Variants in EIF4ENIF1 observed in about 807,000 individuals in gnomAD.
The protein encoded by EIF4ENIF1 is eukaryotic translation initiation factor 4E transporter.
A neutral mutation model predicts 110.5 loss-of-function variants in EIF4ENIF1; 23 were observed. The observed-to-expected ratio is 0.21, with a 90% CI of 0.15 to 0.29. EIF4ENIF1 has a LOEUF of 0.29. Among genes scored for constraint, EIF4ENIF1 ranks in the 10% least tolerant of loss-of-function variants. EIF4ENIF1 has a pLI of 1.00. For missense variants in EIF4ENIF1, 1,031 were observed against 1,221.1 expected (o/e 0.84, Z 2.32); for synonymous variants, 440 against 437.0 (o/e 1.01, Z -0.09).
At chr22:31,487,217 G>C (rs1199283587) in intron 2 of EIF4ENIF1, among the ~76,000 whole-genome samples, 3 of 152,220 alleles carry the variant, frequency 2.0e-5, no homozygotes, top group East Asian at 3.9e-4. Context: ...AAATATATTT[G>C]GGAAGACCAA....
chr22:31,438,000 C>G (rs1330672132), downstream of EIF4ENIF1, among the ~76,000 whole-genome samples: 1 of 152,076 alleles, frequency 6.6e-6, no homozygotes, highest in African/African-American at 2.4e-5. Flanking sequence ...GAAAGGTGAC[C>G]TGCTTTCTTG....
intron 2 of EIF4ENIF1, among the ~76,000 whole-genome samples, chr22:31,472,155 T>C (rs532316508): frequency 1.1e-4 from 16 of 152,316 alleles, no homozygotes; most frequent in African/African-American, 3.8e-4. Flanking sequence ...TAATTGCTAT[T>C]GAATAACATT....
chr22:31,450,307 G>C lies in EIF4ENIF1; in HGVS notation c.1566C>G (p.Val522=). The C allele has an allele frequency of 6.2e-7, 1 of 1,613,556 alleles. No homozygotes were observed. The highest frequency in any genetic ancestry group is 1.3e-5 in the African/African-American group (1 of 75,042). Residue 522 remains valine (V), a synonymous_variant, in exon 11 of 19, where the codon GTC becomes GTG. Transcript: ENST00000330125. ...GAAGTACCTGCAGGATGTTCTTAGG[G>C]ACAGGCTGGCCTGGAATCTCAGCAG... ...MSPAEIPGQP[V]PKNILQELLG...
rs911482168 is a variant in EIF4ENIF1 at position 31,448,015 on chromosome 22, C to A, written c.1848+138G>T. 8.6e-6 allele frequency: 8 copies of A among 929,684 alleles called. No individual in the cohort carries two copies. In the Admixed American group the frequency reaches 8.7e-5, roughly 10 times the overall value. The allele number at this position is 929,684 out of a possible 1,614,324, so 57.6% of individuals were successfully genotyped here. On this transcript the variant is annotated intron_variant, in intron 13 of 18. Coordinates refer to ENST00000330125, the MANE Select transcript of EIF4ENIF1 (RefSeq NM_019843.4). ...CCTCCTGCCTCCACCTCCCAAAGTG[C>A]TGGGATTACGGGCATGAGCCACTAT...
At chr22:31,437,450 T>TCCCCCC (rs368145036), downstream of EIF4ENIF1, 2 of 125,116 alleles carry the variant, frequency 1.6e-5, no homozygotes, top group Non-Finnish European at 1.7e-5. Context: ...TTTGCCTTCA[T>TCCCCCC]CCCCCCCCCA....
intron 2 of EIF4ENIF1, among the ~76,000 whole-genome samples, chr22:31,482,260 G>A (rs1332571655): frequency 6.6e-6 from 1 of 152,098 alleles, no homozygotes; most frequent in Non-Finnish European, 1.5e-5. Flanking sequence ...TCAGTATCAA[G>A]CTGAATGTTC....
chr22:31,457,442 G>C (rs2050864527), intron 7 of EIF4ENIF1, among the ~76,000 whole-genome samples: 1 of 152,106 alleles, frequency 6.6e-6, no homozygotes, highest in Admixed American at 6.6e-5. Context: ...ACAAGATAGA[G>C]CAAACATCTA....
At position 31,440,779 on chromosome 22, in the gene EIF4ENIF1, T is replaced by C. The variant is rs768033895; in HGVS notation, c.2641A>G (p.Ser881Gly). The C allele has an allele frequency of 6.2e-7, 1 of 1,613,830 alleles. No homozygotes were observed. The highest frequency in any genetic ancestry group is 1.1e-5 in the South Asian group (1 of 91,078). The change falls in exon 18 of 19, where the codon AGT becomes GGT. Residue 881 changes from serine (S) to glycine (G), a missense_variant. This residue lies in a region of EIF4ENIF1 where 309 missense variants were observed against 299.1 expected (regional missense o/e 1.03). Coordinates refer to ENST00000330125, the MANE Select transcript of EIF4ENIF1 (RefSeq NM_019843.4). ...GQPFYPLPAA[S>G]HPLLNPRPGT... ...GGACGAGGGTTTAAGAGAGGGTGAC[T>C]AGCAGCAGGTAAAGGGTAAAAGGGC...
intron 6 of EIF4ENIF1, among the ~76,000 whole-genome samples, chr22:31,460,839 G>C (rs1260150753): frequency 1.3e-5 from 2 of 151,776 alleles, no homozygotes; most frequent in Admixed American, 6.6e-5. Context: ...CCAGCTACTC[G>C]GGAGGCTGAG....
chr22:31,439,617 CTTCA>C lies in EIF4ENIF1; in HGVS notation c.*259_*262del, dbSNP rs2050230318. The C allele has an allele frequency of 1.4e-5, 7 of 498,402 alleles. No individual in the cohort carries two copies. In the East Asian group the frequency reaches 2.7e-4, roughly 19 times the overall value. 30.9% of individuals were successfully genotyped at this position (498,402 alleles called of 1,614,324 possible). ...CCACCTCTTGGTGAGGACACCAACA[CTTCA>C]TTCACATATCTTACAAAAAAGAAAG... On this transcript the variant is annotated 3_prime_UTR_variant, in exon 19 of 19. Transcript: ENST00000330125.
intron 8 of EIF4ENIF1, 37 bp from the exon 9 acceptor site, chr22:31,455,352 T>C (rs868333502): frequency 6.9e-7 from 1 of 1,442,114 alleles, no homozygotes. Flanking sequence ...AATTAATCTG[T>C]TCCAGTAAAG....
chr22:31,468,771 C>G (rs1416553291), intron 3 of EIF4ENIF1, among the ~76,000 whole-genome samples: 1 of 152,170 alleles, frequency 6.6e-6, no homozygotes, highest in East Asian at 1.9e-4. Context: ...ACAAAAACAT[C>G]TATTAATTCA....
chr22:31,492,754 A>G (rs183689286), upstream of EIF4ENIF1, among the ~76,000 whole-genome samples: 461 of 152,224 alleles, frequency 3.0e-3, 12 homozygotes, highest in Admixed American at 0.026. Context: ...TTTTTTGAGA[A>G]GGAGTCTCGC....
intron 7 of EIF4ENIF1, 118 bp downstream of exon 7, chr22:31,458,357 G>T: frequency 2.4e-6 from 2 of 824,606 alleles, no homozygotes; most frequent in Non-Finnish European, 1.7e-6. Context: ...ATTTAAATAT[G>T]TAAGAATAAA....
At chr22:31,451,664 C>CTTTTT (rs554930183) in intron 10 of EIF4ENIF1, among the ~76,000 whole-genome samples, 2 of 139,456 alleles carry the variant, frequency 1.4e-5, no homozygotes, top group Non-Finnish European at 1.6e-5. Context: ...GTAGTGGTTA[C>CTTTTT]TTTTTTTTTT....
At position 31,475,710 on chromosome 22, in the gene EIF4ENIF1, G is replaced by A. The variant is rs151182906; in HGVS notation, c.97-3793C>T. Among the ~76,000 whole-genome samples, 997 of 142,088 alleles carry A rather than the reference G, an allele frequency of 7.0e-3. 17 individuals are homozygous for A. Among genetic ancestry groups the A allele is most frequent in the African/African-American group, 0.024 (885 of 37,476 alleles). The allele number at this position is 142,088 out of a possible 152,430, so 93.2% of individuals were successfully genotyped here. On this transcript the variant is annotated intron_variant, in intron 2 of 18. Coordinates refer to ENST00000330125, the MANE Select transcript of EIF4ENIF1 (RefSeq NM_019843.4). ...TGCACTCCAGCCTGGGTGACAGAGCGAGACTCCGTTTAAAAAAAAAAAAAA... is the reference window on the plus strand; with the variant it reads ...TGCACTCCAGCCTGGGTGACAGAGCAAGACTCCGTTTAAAAAAAAAAAAAA...
chr22:31,491,353 G>C (rs1422335360), upstream of EIF4ENIF1, among the ~76,000 whole-genome samples: 3 of 152,106 alleles, frequency 2.0e-5, no homozygotes, highest in African/African-American at 7.2e-5. Context: ...TGGGAAACAG[G>C]TCTAATCCCC....
At chr22:31,477,139 G>A (rs1295901696) in intron 2 of EIF4ENIF1, among the ~76,000 whole-genome samples, 4 of 151,512 alleles carry the variant, frequency 2.6e-5, no homozygotes, top group East Asian at 1.9e-4. Flanking sequence ...GAGGCCGGAC[G>A]TATTACTTGA....
At position 31,477,374 on chromosome 22, in the gene EIF4ENIF1, ACAAAAAAAAC is replaced by A. The variant is rs1323235018; in HGVS notation, c.97-5467_97-5458del. ...TCTGTCTCCAAAAAAAAAAAAAAAA[ACAAAAAAAAC>A]AAAAAAAGAGAATTTGAAATTGAGA... On this transcript the variant is annotated intron_variant, in intron 2 of 18. Transcript: ENST00000330125. Among the ~76,000 whole-genome samples, 285 of 126,644 alleles carry A rather than the reference ACAAAAAAAAC, an allele frequency of 2.3e-3. 12 individuals carry two copies. Among genetic ancestry groups the A allele is most frequent in the African/African-American group, 7.9e-3 (266 of 33,664 alleles). 83.1% of individuals were successfully genotyped at this position (126,644 alleles called of 152,430 possible).
Sources: gnomAD v4.1 joint callset for allele counts (sites outside exome capture counted in the v4.1 genomes callset) on GRCh38, gnomAD v4.1.1 for gene constraint, gnomAD v4.1.1 regional missense constraint, MANE v1.5 for transcripts, NCBI Gene and HGNC (gene_info 2026-07-23, HGNC 2026-07-21) for gene names.